Variants in RABGEF1 observed in about 807,000 individuals in gnomAD.
RABGEF1 encodes rab5 GDP/GTP exchange factor.
RABGEF1 carries 26 observed loss-of-function variants against 57.3 expected under a neutral mutation model. The ratio of observed to expected loss-of-function variants is 0.45; its 90% CI spans 0.33 to 0.63. RABGEF1 has a LOEUF of 0.63. Ranked by LOEUF, RABGEF1 falls within the 20% of genes least tolerant of loss-of-function variation. The pLI, the probability that RABGEF1 is intolerant of heterozygous loss-of-function variation, is 0.02. For synonymous variants in RABGEF1, 185 were observed against 210.7 expected (o/e 0.88, Z 1.06); for missense variants, 464 against 607.6 (o/e 0.76, Z 2.48).
chr7:66,736,897 T>A (rs1798002890), upstream of RABGEF1, among the ~76,000 whole-genome samples: 1 of 152,078 alleles, frequency 6.6e-6, no homozygotes, highest in Non-Finnish European at 1.5e-5. Flanking sequence ...TTTTTATTTA[T>A]CTAATTATAC....
intron 7 of RABGEF1, among the ~76,000 whole-genome samples, chr7:66,803,750 G>A (rs1172806295): frequency 1.3e-5 from 2 of 152,002 alleles, no homozygotes; most frequent in Non-Finnish European, 1.5e-5. Context: ...TTAGCCGGGC[G>A]TGGTGGTGCG....
chr7:66,754,879 G>A (rs1230669465), intron 1 of RABGEF1, among the ~76,000 whole-genome samples: 1 of 152,050 alleles, frequency 6.6e-6, no homozygotes, highest in East Asian at 1.9e-4. Flanking sequence ...ATGCCTTTGA[G>A]AAAAAAGTTC....
chr7:66,751,032 C>CTTTTTTTTTTT (rs765625657), intron 1 of RABGEF1, among the ~76,000 whole-genome samples: 1 of 142,870 alleles, frequency 7.0e-6, no homozygotes. Flanking sequence ...CTCTTTTTTT[C>CTTTTTTTTTTT]TTTTTTTTTT....
intron 1 of RABGEF1, among the ~76,000 whole-genome samples, chr7:66,749,529 G>A (rs2129059015): frequency 6.6e-6 from 1 of 152,338 alleles, no homozygotes; most frequent in Admixed American, 6.5e-5. Context: ...TTTGCGAGGT[G>A]TTGTTCACCT....
chr7:66,777,384 A>G (rs539481065), intron 3 of RABGEF1, among the ~76,000 whole-genome samples: 8 of 152,126 alleles, frequency 5.3e-5, no homozygotes, highest in Admixed American at 2.6e-4. Context: ...TCCTGGGTCA[A>G]TATTTTTCCA....
chr7:66,755,198 G>T (rs1040542068), intron 1 of RABGEF1, among the ~76,000 whole-genome samples: 2 of 152,220 alleles, frequency 1.3e-5, no homozygotes, highest in African/African-American at 2.4e-5. Flanking sequence ...GGAGGCTGAG[G>T]CAGGAGAATG....
chr7:66,795,543 T>C lies in RABGEF1; in HGVS notation c.546T>C (p.Ala182=), dbSNP rs1216194685. ...DLSIEEQSEC[A]QDFYHNVAER... is the part of the protein sequence containing the mutation. ...GCATTGAAGAACAGTCAGAGTGTGC[T>C]CAGGATTTCTACCACAATGTGGCCG... Residue 182 remains alanine, a synonymous_variant, in exon 5 of 9, where the codon GCT becomes GCC. Coordinates refer to ENST00000284957, the MANE Select transcript of RABGEF1 (RefSeq NM_014504.3). 6.2e-7 allele frequency: 1 copy of C among 1,612,594 alleles called. No homozygotes were observed. Among genetic ancestry groups the C allele is most frequent in the Admixed American group, 1.7e-5 (1 of 60,026 alleles).
At chr7:66,763,233 T>C (rs971593534) in intron 1 of RABGEF1, among the ~76,000 whole-genome samples, 12 of 152,134 alleles carry the variant, frequency 7.9e-5, no homozygotes, top group African/African-American at 2.7e-4. Context: ...GGTATTCTGC[T>C]GAGGACCTCA....
intron 2 of RABGEF1, among the ~76,000 whole-genome samples, chr7:66,773,112 A>C (rs1316474843): frequency 6.9e-6 from 1 of 144,964 alleles, no homozygotes; most frequent in Non-Finnish European, 1.5e-5. Flanking sequence ...GTCAGCCAAT[A>C]TTTGTTGAGT....
intron 1 of RABGEF1, among the ~76,000 whole-genome samples, chr7:66,750,911 T>C (rs930313588): frequency 3.3e-5 from 5 of 152,270 alleles, no homozygotes; most frequent in Non-Finnish European, 5.9e-5. Flanking sequence ...TGTTCTGCTG[T>C]TAAATACACG....
At chr7:66,785,879 GA>G (rs796913381) in intron 4 of RABGEF1, among the ~76,000 whole-genome samples, 8,231 of 133,818 alleles carry the variant, frequency 0.062, 694 homozygotes, top group African/African-American at 0.19. Context: ...ATCTGGGGGG[GA>G]AAAAAAAAAA....
chr7:66,751,604 G>C (rs1424417133), intron 1 of RABGEF1, among the ~76,000 whole-genome samples: 1 of 152,090 alleles, frequency 6.6e-6, no homozygotes, highest in African/African-American at 2.4e-5. Context: ...TTGCAGGTTG[G>C]ATAAGGCCGC....
intron 1 of RABGEF1, among the ~76,000 whole-genome samples, chr7:66,697,454 A>T (rs1477915673): frequency 1.3e-5 from 2 of 152,130 alleles, no homozygotes; most frequent in African/African-American, 4.8e-5. Context: ...CTCTCCCTTC[A>T]CAGTGGCTCT....
chr7:66,750,433 C>T (rs997817274), intron 1 of RABGEF1, among the ~76,000 whole-genome samples: 4 of 152,044 alleles, frequency 2.6e-5, no homozygotes, highest in Non-Finnish European at 5.9e-5. Context: ...TTACTTTCTC[C>T]CAAGAGCCTA....
chr7:66,724,928 T>A (rs1343961160), intron 2 of RABGEF1, among the ~76,000 whole-genome samples: 3 of 152,218 alleles, frequency 2.0e-5, no homozygotes, highest in Admixed American at 1.3e-4. Context: ...AATCTGCTGT[T>A]AAGCTCATCC....
At chr7:66,686,061 T>G (rs1350936067) in intron 1 of RABGEF1, among the ~76,000 whole-genome samples, 6 of 152,050 alleles carry the variant, frequency 3.9e-5, no homozygotes, top group African/African-American at 1.4e-4. Context: ...GGCAGATCAC[T>G]TAAGGCCAGG....
chr7:66,691,205 T>C (rs1791467216), intron 1 of RABGEF1, among the ~76,000 whole-genome samples: 1 of 152,182 alleles, frequency 6.6e-6, no homozygotes, highest in South Asian at 2.1e-4. Context: ...TGACAGACAG[T>C]TTGACAGTTT....
At chr7:66,731,577 T>C (rs1474582066) in intron 2 of RABGEF1, among the ~76,000 whole-genome samples, 2 of 150,362 alleles carry the variant, frequency 1.3e-5, no homozygotes, top group Non-Finnish European at 3.0e-5. Flanking sequence ...ATTAGCTGGG[T>C]ATGGTGGCAC....
chr7:66,681,334 C>T (rs1265103168), upstream of RABGEF1, among the ~76,000 whole-genome samples: 5 of 151,388 alleles, frequency 3.3e-5, no homozygotes, highest in African/African-American at 9.7e-5. Context: ...CAATTTGTGA[C>T]TCAACCATTC....
Sources: gnomAD v4.1 joint callset for allele counts (sites outside exome capture counted in the v4.1 genomes callset) on GRCh38, gnomAD v4.1.1 for gene constraint, MANE v1.5 for transcripts, NCBI Gene and HGNC (gene_info 2026-07-23, HGNC 2026-07-21) for gene names.